ARHGEF12: variants seen among roughly 807,000 people sequenced by gnomAD.
ARHGEF12 encodes the protein Rho guanine nucleotide exchange factor 12, also known as KMT2A/ARHGEF12 fusion protein.
Under a neutral mutation model 211.2 loss-of-function variants are expected in ARHGEF12, and 66 were observed. The ratio of observed to expected loss-of-function variants is 0.31; its 90% CI spans 0.26 to 0.38. The LOEUF (loss-of-function observed/expected upper bound fraction) is 0.38, where lower values mean the gene tolerates loss of function less well. Ranked by LOEUF, ARHGEF12 falls within the 10% of genes least tolerant of loss-of-function variation. ARHGEF12 has a pLI of 1.00. For missense variants in ARHGEF12, 1,429 were observed against 1,869.5 expected (o/e 0.76, Z 4.34); for synonymous variants, 592 against 638.4 (o/e 0.93, Z 1.09).
At chr11:120,453,792 C>G (rs1470098659) in intron 22 of ARHGEF12, among the ~76,000 whole-genome samples, 8 of 152,208 alleles carry the variant, frequency 5.3e-5, no homozygotes, top group African/African-American at 1.4e-4. Flanking sequence ...TTAAACAGTC[C>G]AAGATAGAAC....
chr11:120,447,254 T>C (rs1195271253), intron 18 of ARHGEF12, 169 bp downstream of exon 18: 27 of 650,348 alleles, frequency 4.2e-5, no homozygotes, highest in Non-Finnish European at 6.0e-5. Context: ...TCTGATACTT[T>C]TAGATAAATT....
chr11:120,424,845 A>G (rs548499529), intron 7 of ARHGEF12, among the ~76,000 whole-genome samples: 4 of 152,254 alleles, frequency 2.6e-5, no homozygotes, highest in Non-Finnish European at 5.9e-5. Context: ...GAAGTCAGAC[A>G]TATGGCCTGA....
At chr11:120,421,001 C>T (rs150994739) in intron 5 of ARHGEF12, 150 bp downstream of exon 5, 252 of 632,288 alleles carry the variant, frequency 4.0e-4, no homozygotes, top group African/African-American at 3.9e-3. Context: ...GTCATAGTTA[C>T]AGGAAGGAGT....
intron 4 of ARHGEF12, among the ~76,000 whole-genome samples, chr11:120,419,448 C>G (rs1051605220): frequency 7.6e-6 from 1 of 132,318 alleles, no homozygotes; most frequent in African/African-American, 2.9e-5. Context: ...ACCCTAAGGT[C>G]TTGACGATTT....
intron 10 of ARHGEF12, 108 bp downstream of exon 10, chr11:120,429,939 T>C: frequency 1.6e-6 from 2 of 1,254,532 alleles, no homozygotes; most frequent in Admixed American, 2.7e-5. Context: ...TTTTCTAGCG[T>C]AGGACAACAG....
chr11:120,345,701 CAA>C (rs34619240), intron 1 of ARHGEF12, among the ~76,000 whole-genome samples: 8 of 78,364 alleles, frequency 1.0e-4, no homozygotes, highest in Middle Eastern at 9.3e-3. Flanking sequence ...GACTCCGTCT[CAA>C]AAAAAAAAAA....
intron 1 of ARHGEF12, among the ~76,000 whole-genome samples, chr11:120,374,725 T>A (rs1266846737): frequency 2.6e-5 from 4 of 152,114 alleles, no homozygotes; most frequent in African/African-American, 7.2e-5. Flanking sequence ...AGAAAAAAAA[T>A]AAATATTTTT....
intron 1 of ARHGEF12, among the ~76,000 whole-genome samples, chr11:120,399,461 A>G (rs11217857): frequency 0.21 from 32,215 of 150,488 alleles, 3,775 homozygotes; most frequent in African/African-American, 0.3. Flanking sequence ...GGTTTCCTTG[A>G]TGATTTTTTG....
chr11:120,347,960 ATATTT>A (rs531012052), intron 1 of ARHGEF12, among the ~76,000 whole-genome samples: 3 of 152,200 alleles, frequency 2.0e-5, no homozygotes, highest in Non-Finnish European at 2.9e-5. Context: ...CATGATGGAA[ATATTT>A]TAGTATAGTA....
At chr11:120,477,868 AAAAAAAG>A (rs1947098874) in intron 36 of ARHGEF12, among the ~76,000 whole-genome samples, 1 of 150,590 alleles carries the variant, frequency 6.6e-6, no homozygotes, top group Middle Eastern at 3.4e-3. Context: ...ACACCAAAAA[AAAAAAAG>A]AAAAAAAGAA....
At position 120,488,949 on chromosome 11, in the gene ARHGEF12, T is replaced by C. The variant is rs946665686; in HGVS notation, c.*3872T>C. On this transcript the variant is annotated 3_prime_UTR_variant, in exon 41 of 41. Coordinates refer to ENST00000397843, the MANE Select transcript of ARHGEF12 (RefSeq NM_015313.3). ...GGCTGTATGTTTCTGGAACAAAATA[T>C]TGGTCATCTAAAAACTTTCTGTTTT... The C allele has an allele frequency of 9.1e-6, 2 of 218,810 alleles. No individual in the cohort carries two copies. Among genetic ancestry groups the C allele is most frequent in the Non-Finnish European group, 1.8e-5 (2 of 108,790 alleles). 13.6% of individuals were successfully genotyped at this position (218,810 alleles called of 1,614,324 possible).
rs373212948 is a variant in ARHGEF12, at chr11:120,428,038, C to G, written c.407-31C>G. On this transcript the variant is annotated intron_variant, in intron 7 of 40. Transcript: ENST00000397843. ...TTTCTTGACAATGTTATTTTCCCTT[C>G]CCTTCCCTTTTTCCGTCTCCCCACC... is the stretch of plus-strand genomic sequence containing the variant. The G allele has an allele frequency of 3.5e-5, 52 of 1,506,756 alleles. No homozygotes were observed. In the African/African-American group the frequency reaches 5.7e-4, roughly 17 times the overall value. The allele number at this position is 1,506,756 out of a possible 1,614,324, so 93.3% of individuals were successfully genotyped here. A position where few individuals can be genotyped will look rare whatever the true frequency, so the allele number is the denominator to read the frequency against.
intron 38 of ARHGEF12, 36 bp downstream of exon 38, chr11:120,480,466 TTTGATC>T (rs1447931977): frequency 5.0e-5 from 79 of 1,564,976 alleles, no homozygotes; most frequent in Non-Finnish European, 6.8e-5. Flanking sequence ...TGATTTTGAT[TTTGATC>T]ATTGTTAACT....
intron 11 of ARHGEF12, 87 bp downstream of exon 11, chr11:120,431,998 G>T: frequency 7.5e-7 from 1 of 1,339,602 alleles, no homozygotes; most frequent in South Asian, 1.9e-5. Context: ...ATGTGAATTA[G>T]AGGTGTCTTA....
Position 120,447,057 on chromosome 11 carries a change from C to G in ARHGEF12, c.1561C>G (p.Gln521Glu). Residue 521 changes from glutamine (Q) to glutamate (E), a missense_variant, in exon 18 of 41, where the codon CAG becomes GAG. Physicochemically the swap from Gln to Glu is conservative, Grantham distance 29. Transcript: ENST00000397843. Reference protein sequence around the residue: ...TLEKERTCAEQIVAKIEEVLM... With the variant: ...TLEKERTCAEEIVAKIEEVLM... ...GGAGAAGGAGCGGACATGTGCAGAA[C>G]AGATTGTTGCCAAAATTGAAGAAGT... 1 of 1,614,040 alleles carries G rather than the reference C, an allele frequency of 6.2e-7. No individual in the cohort carries two copies. The highest frequency in any genetic ancestry group is 8.5e-7 in the Non-Finnish European group (1 of 1,179,990).
At chr11:120,424,151 CGGTTT>C (rs1945276394) in intron 6 of ARHGEF12, among the ~76,000 whole-genome samples, 1 of 151,928 alleles carries the variant, frequency 6.6e-6, no homozygotes. Context: ...GTCAAGGCCT[CGGTTT>C]ATGTTTAAGT....
chr11:120,457,626 G>T, intron 23 of ARHGEF12, 95 bp from the exon 24 acceptor site: 1 of 829,436 alleles, frequency 1.2e-6, no homozygotes, highest in East Asian at 2.7e-5. Context: ...TATTTATCAA[G>T]CTGCTGGAGT....
intron 30 of ARHGEF12, among the ~76,000 whole-genome samples, chr11:120,472,393 G>T (rs1044104319): frequency 6.6e-6 from 1 of 152,110 alleles, no homozygotes. Flanking sequence ...GGAAAATTGA[G>T]GGGGGTGGGG....
intron 1 of ARHGEF12, among the ~76,000 whole-genome samples, chr11:120,379,800 T>C (rs1486660543): frequency 6.6e-6 from 1 of 152,150 alleles, no homozygotes; most frequent in East Asian, 1.9e-4. Context: ...TGGTTTATCC[T>C]AATGGTCTCT....
Sources: gnomAD v4.1 joint callset for allele counts (sites outside exome capture counted in the v4.1 genomes callset) on GRCh38, gnomAD v4.1.1 for gene constraint, MANE v1.5 for transcripts, NCBI Gene and HGNC (gene_info 2026-07-23, HGNC 2026-07-21) for gene names.